Variants in NIBAN2 observed in about 807,000 individuals in gnomAD.
NIBAN2 encodes the protein protein Niban 2.
Under a neutral mutation model 81.8 loss-of-function variants are expected in NIBAN2, and 36 were observed. The observed-to-expected ratio is 0.44, with a 90% confidence interval of 0.34 to 0.58. The LOEUF (loss-of-function observed/expected upper bound fraction) is 0.58, where lower values mean the gene tolerates loss of function less well. Among genes scored for constraint, NIBAN2 ranks in the 20% least tolerant of loss-of-function variants. The pLI, the probability that NIBAN2 is intolerant of heterozygous loss-of-function variation, is 0.02. For synonymous variants in NIBAN2, 445 were observed against 441.6 expected (o/e 1.01, Z -0.10); for missense variants, 897 against 1,014.1 (o/e 0.88, Z 1.57).
At chr9:127,574,667 A>G (rs1346555845) in intron 1 of NIBAN2, among the ~76,000 whole-genome samples, 2 of 151,948 alleles carry the variant, frequency 1.3e-5, no homozygotes, top group Non-Finnish European at 2.9e-5. Flanking sequence ...AGACCAGGAG[A>G]AAAAAAACAA....
At chr9:127,569,997 G>T (rs1588195279), upstream of NIBAN2, among the ~76,000 whole-genome samples, 1 of 152,172 alleles carries the variant, frequency 6.6e-6, no homozygotes, top group East Asian at 1.9e-4. Flanking sequence ...TCCCAAGCTG[G>T]CAGGGGAGAC....
At chr9:127,528,279 A>G (rs1461945049) in intron 2 of NIBAN2, among the ~76,000 whole-genome samples, 1 of 152,212 alleles carries the variant, frequency 6.6e-6, no homozygotes, top group Non-Finnish European at 1.5e-5. Flanking sequence ...TCCTGAGCAG[A>G]CAAGCACCAG....
At position 127,536,047 on chromosome 9, in the gene NIBAN2, G is replaced by A. The variant is rs1250342487; in HGVS notation, c.56-4269C>T. On this transcript the variant is annotated intron_variant, in intron 1 of 13. Coordinates refer to ENST00000373312, the MANE Select transcript of NIBAN2 (RefSeq NM_022833.4). This position sits in a 1 kb window ranked among gnomAD's most constrained non-coding sequence, Gnocchi z 4.0. ...CTCAGAAGAAGGGTGGCGACCACGG[G>A]AGAGCTAGAAAGGGAGGACCATGGG... Among the ~76,000 whole-genome samples, 3 of 152,164 alleles carry A rather than the reference G, an allele frequency of 2.0e-5. No homozygotes were observed. The highest frequency in any genetic ancestry group is 4.4e-5 in the Non-Finnish European group (3 of 68,032).
At position 127,507,859 on chromosome 9, in the gene NIBAN2, G is replaced by C; in HGVS notation, c.1654+8C>G. On this transcript the variant is annotated splice_region_variant and intron_variant, in intron 13 of 13. Coordinates refer to ENST00000373312, the MANE Select transcript of NIBAN2 (RefSeq NM_022833.4). The surrounding 1 kb of genome is among the most constrained non-coding windows in gnomAD (Gnocchi z 6.8). ...TGGCAACAGTCCCCACCCCGGGACGGCACCCACCCTGCAGGATGTCCTTCA... is the reference window on the plus strand; with the variant it reads ...TGGCAACAGTCCCCACCCCGGGACGCCACCCACCCTGCAGGATGTCCTTCA... The C allele has an allele frequency of 6.2e-7, 1 of 1,612,790 alleles. No homozygotes were observed. The highest frequency in any genetic ancestry group is 8.5e-7 in the Non-Finnish European group (1 of 1,178,916).
rs1588194461 is a variant in NIBAN2, at chr9:127,568,985, CCG to C, written c.-113_-112del. 1.0e-5 allele frequency: 1 copy of C among 95,496 alleles called. No individual in the cohort carries two copies. The highest frequency in any genetic ancestry group is 4.5e-4 in the East Asian group (1 of 2,230). 5.9% of individuals were successfully genotyped at this position (95,496 alleles called of 1,614,324 possible). On this transcript the variant is annotated 5_prime_UTR_variant, in exon 1 of 14. Coordinates refer to ENST00000373312, the MANE Select transcript of NIBAN2 (RefSeq NM_022833.4). ...CCGGCCCGCCCTGCTTCCCCCGCTC[CCG>C]CCGCTCCCGCCGCTCCCGCCGCCCG...
At position 127,534,708 on chromosome 9, in the gene NIBAN2, G is replaced by A. The variant is rs142461930; in HGVS notation, c.56-2930C>T. Among the ~76,000 whole-genome samples, 168 of 152,312 alleles carry A rather than the reference G, an allele frequency of 1.1e-3. 1 individual carries two copies. Among genetic ancestry groups the A allele is most frequent in the African/African-American group, 3.9e-3 (164 of 41,572 alleles). Reference sequence around the variant, plus strand: ...TCATGTCTGTCCAGATTCCAGTTTGGGGGGAGGAAGGGGAGAACAAATGAG... The same window carrying A: ...TCATGTCTGTCCAGATTCCAGTTTGAGGGGAGGAAGGGGAGAACAAATGAG... On this transcript the variant is annotated intron_variant, in intron 1 of 13. Coordinates refer to ENST00000373312, the MANE Select transcript of NIBAN2 (RefSeq NM_022833.4).
chr9:127,564,569 T>C (rs7027482), intron 1 of NIBAN2, among the ~76,000 whole-genome samples: 2,212 of 152,204 alleles, frequency 0.015, 56 homozygotes, highest in African/African-American at 0.051. Flanking sequence ...CACAGAAGCA[T>C]AGAGTAATAT....
At chr9:127,551,722 A>AAAAG (rs1372233220) in intron 1 of NIBAN2, among the ~76,000 whole-genome samples, 3 of 152,160 alleles carry the variant, frequency 2.0e-5, no homozygotes, top group South Asian at 2.1e-4. Flanking sequence ...TCTTAAAAAA[A>AAAAG]AAAGAAAGAA....
Position 127,559,684 on chromosome 9 carries a change from G to C in NIBAN2, c.55+9136C>G, listed in dbSNP as rs1287129906. Reference sequence around the variant, plus strand: ...CCACAGATGGGCAGGTGGGAAAGTGGGGTCTGCACTTTGCAAACCACAGTT... The same window carrying C: ...CCACAGATGGGCAGGTGGGAAAGTGCGGTCTGCACTTTGCAAACCACAGTT... On this transcript the variant is annotated intron_variant, in intron 1 of 13. Transcript: ENST00000373312. This position sits in a 1 kb window ranked among gnomAD's most constrained non-coding sequence, Gnocchi z 4.0. 6.6e-6 allele frequency among the ~76,000 whole-genome samples: 1 copy of C among 152,178 alleles called. No homozygotes were observed. Among genetic ancestry groups the C allele is most frequent in the African/African-American group, 2.4e-5 (1 of 41,440 alleles).
Position 127,506,545 on chromosome 9 carries a change from G to A in NIBAN2, c.*300C>T, listed in dbSNP as rs934938054. ...CATGAGGGGATGGAGGCCACAGAAGGACAGGAAGGGAGGGGCTTTCCAGCC... is the reference window on the plus strand; with the variant it reads ...CATGAGGGGATGGAGGCCACAGAAGAACAGGAAGGGAGGGGCTTTCCAGCC... On this transcript the variant is annotated 3_prime_UTR_variant, in exon 14 of 14. Transcript: ENST00000373312. The A allele has an allele frequency of 3.3e-5, 10 of 304,014 alleles. No homozygotes were observed. 18.8% of individuals were successfully genotyped at this position (304,014 alleles called of 1,614,324 possible).
At position 127,523,195 on chromosome 9, in the gene NIBAN2, ATATATATATATATATAT is replaced by A. The variant is rs1836989467; in HGVS notation, c.589+467_589+483del. 2.2e-3 allele frequency among the ~76,000 whole-genome samples: 10 copies of A among 4,564 alleles called. 2 individuals are homozygous for A. Among genetic ancestry groups the A allele is most frequent in the Non-Finnish European group, 2.8e-3 (7 of 2,478 alleles). The allele number at this position is 4,564 out of a possible 152,430, so 3.0% of individuals were successfully genotyped here. A position where few individuals can be genotyped will look rare whatever the true frequency, so the allele number is the denominator to read the frequency against. On this transcript the variant is annotated intron_variant, in intron 5 of 13. Transcript: ENST00000373312. ...AAAAAAAAAAAAAAAAAAAAAAAAT[ATATATATATATATATAT>A]ATATATATATATATATATATATATA...
chr9:127,576,832 C>G (rs951089742), intron 1 of NIBAN2, among the ~76,000 whole-genome samples: 1 of 151,434 alleles, frequency 6.6e-6, no homozygotes, highest in African/African-American at 2.4e-5. Context: ...CAACCTCAGC[C>G]TCCCCAAGTG....
rs772674360 is a variant in NIBAN2 at position 127,516,929 on chromosome 9, T to C, written c.901A>G (p.Met301Val). 1.2e-6 allele frequency: 2 copies of C among 1,614,182 alleles called. No individual in the cohort carries two copies. The highest frequency in any genetic ancestry group is 2.2e-5 in the East Asian group (1 of 44,884). The change falls in exon 8 of 14, where the codon ATG becomes GTG. Residue 301 changes from methionine (M) to valine (V), a missense_variant. Physicochemically the swap from Met to Val is conservative, Grantham distance 21. Transcript: ENST00000373312. The stretch of plus-strand genomic sequence containing the variant: ...ATGTCAGTTCGGATGACGGCCTGCA[T>C]GGCCGGCTGCACCTGCTGCACCTTG... ...LSKVQQVQPA[M>V]QAVIRTDMDQ... is the part of the protein sequence containing the mutation.
chr9:127,569,345 A>G (rs1241955615), upstream of NIBAN2, among the ~76,000 whole-genome samples: 1 of 151,492 alleles, frequency 6.6e-6, no homozygotes, highest in African/African-American at 2.4e-5. Context: ...AGAAGGAGAC[A>G]AAGAGAAGGT....
rs1474376542 is a variant in NIBAN2, at chr9:127,536,697, G to T, written c.56-4919C>A. 6.6e-6 allele frequency among the ~76,000 whole-genome samples: 1 copy of T among 152,250 alleles called. No individual in the cohort carries two copies. The highest frequency in any genetic ancestry group is 1.5e-5 in the Non-Finnish European group (1 of 68,044). Reference sequence around the variant, plus strand: ...CACTCAGGCTTACCACCCTGTTAGGGGAATGTGAGCCAGAGAGGGTGAGCA... The same window carrying T: ...CACTCAGGCTTACCACCCTGTTAGGTGAATGTGAGCCAGAGAGGGTGAGCA... On this transcript the variant is annotated intron_variant, in intron 1 of 13. Coordinates refer to ENST00000373312, the MANE Select transcript of NIBAN2 (RefSeq NM_022833.4). This position sits in a 1 kb window ranked among gnomAD's most constrained non-coding sequence, Gnocchi z 4.0.
chr9:127,508,638 G>A lies in NIBAN2; in HGVS notation c.1318-100C>T, dbSNP rs1836665447. 12 of 1,018,474 alleles carry A rather than the reference G, an allele frequency of 1.2e-5. No individual in the cohort carries two copies. The highest frequency in any genetic ancestry group is 7.1e-5 in the East Asian group (3 of 42,024). 63.1% of individuals were successfully genotyped at this position (1,018,474 alleles called of 1,614,324 possible). A position where few individuals can be genotyped will look rare whatever the true frequency, so the allele number is the denominator to read the frequency against. On this transcript the variant is annotated intron_variant, in intron 10 of 13. Coordinates refer to ENST00000373312, the MANE Select transcript of NIBAN2 (RefSeq NM_022833.4). The surrounding 1 kb of genome is among the most constrained non-coding windows in gnomAD (Gnocchi z 6.4). ...TCATCCTCAACCAGCCCCCCACCCC[G>A]AGGCCTGCCAGGGAGGAATGGCAAG... is the stretch of plus-strand genomic sequence containing the variant.
chr9:127,535,648 G>T (rs1173475967), intron 1 of NIBAN2, among the ~76,000 whole-genome samples: 4 of 152,166 alleles, frequency 2.6e-5, no homozygotes, highest in Non-Finnish European at 5.9e-5. Flanking sequence ...CCAGGATGCA[G>T]TTCCCTCTAG....
intron 3 of NIBAN2, 21 bp from the exon 4 acceptor site, chr9:127,525,184 G>A: frequency 1.9e-6 from 3 of 1,591,522 alleles, no homozygotes; most frequent in Non-Finnish European, 2.6e-6. Context: ...CAAGAGAGAG[G>A]GTCCCTGAGG....
At chr9:127,516,030 T>TG (rs1564297368) in intron 8 of NIBAN2, among the ~76,000 whole-genome samples, 16 of 151,316 alleles carry the variant, frequency 1.1e-4, no homozygotes, top group Admixed American at 1.1e-3. Flanking sequence ...CCCAGCTACT[T>TG]GGGGGGTTGA....
Sources: gnomAD v4.1 joint callset for allele counts (sites outside exome capture counted in the v4.1 genomes callset) on GRCh38, gnomAD v4.1.1 for gene constraint, Gnocchi (gnomAD v3.1) non-coding constraint, MANE v1.5 for transcripts, NCBI Gene and HGNC (gene_info 2026-07-23, HGNC 2026-07-21) for gene names.